The following DPP10 variants were observed in gnomAD, a reference collection of about 807,000 sequenced individuals.
The protein encoded by DPP10 is dipeptidyl peptidase like 10, also known as inactive dipeptidyl peptidase 10.
A neutral mutation model predicts 120.9 loss-of-function variants in DPP10; 33 were observed. That is an observed-to-expected ratio of 0.27 (90% CI 0.21 to 0.37). The LOEUF is 0.37. Among genes scored for constraint, DPP10 ranks in the 10% least tolerant of loss-of-function variants. The probability of loss-of-function intolerance (pLI) is 1.00; values close to 1 mark genes in which losing one functional copy is unlikely to be tolerated. For synonymous variants in DPP10, 337 were observed against 326.1 expected, an observed-to-expected ratio of 1.03 and a Z score of -0.36; for missense variants, 816 against 942.8, an observed-to-expected ratio of 0.87 and a Z score of 1.76.
At chr2:114,892,859 C>A (rs1224685445) in intron 1 of DPP10, among the ~76,000 whole-genome samples, 1 of 152,056 alleles carries the variant, frequency 6.6e-6, no homozygotes, top group African/African-American at 2.4e-5. Context: ...CCTGGACCCC[C>A]CAAAAAATGG....
At chr2:115,441,750 G>A (rs891687257) in intron 3 of DPP10, among the ~76,000 whole-genome samples, 16 of 151,422 alleles carry the variant, frequency 1.1e-4, no homozygotes, top group Admixed American at 5.3e-4. Flanking sequence ...TCTTTCCCAT[G>A]ATGAATTTAA....
chr2:115,276,678 T>G (rs2059933231), intron 1 of DPP10, among the ~76,000 whole-genome samples: 1 of 152,202 alleles, frequency 6.6e-6, no homozygotes. Context: ...TTGTAAGATA[T>G]CCAATGAGAT....
intron 7 of DPP10, among the ~76,000 whole-genome samples, chr2:115,718,555 C>T (rs545767100): frequency 6.6e-6 from 1 of 150,990 alleles, no homozygotes; most frequent in Non-Finnish European, 1.5e-5. Flanking sequence ...TTTTTATTTT[C>T]TATTTTGAGT....
At chr2:115,710,803 ATATT>A (rs1279663818) in intron 7 of DPP10, among the ~76,000 whole-genome samples, 1 of 152,148 alleles carries the variant, frequency 6.6e-6, no homozygotes, top group Non-Finnish European at 1.5e-5. Flanking sequence ...AGTTAATAAA[ATATT>A]TATTAAGTAA....
intron 1 of DPP10, among the ~76,000 whole-genome samples, chr2:114,679,422 A>G (rs1439365802): frequency 6.6e-6 from 1 of 151,972 alleles, no homozygotes; most frequent in African/African-American, 2.4e-5. Context: ...CCTCTTGTTT[A>G]TATTAGAATA....
intron 3 of DPP10, among the ~76,000 whole-genome samples, chr2:115,354,353 C>T (rs1190097886): frequency 6.6e-6 from 1 of 152,084 alleles, no homozygotes; most frequent in Non-Finnish European, 1.5e-5. Context: ...CTTATTTTCA[C>T]CAGTGTCTAA....
At chr2:114,563,655 C>T (rs1478689956) in intron 1 of DPP10, among the ~76,000 whole-genome samples, 4 of 152,166 alleles carry the variant, frequency 2.6e-5, no homozygotes, top group Admixed American at 6.6e-5. Flanking sequence ...GATGAACAAA[C>T]CCAACTCTTA....
chr2:115,021,666 C>A (rs948581233), intron 1 of DPP10, among the ~76,000 whole-genome samples: 1 of 152,098 alleles, frequency 6.6e-6, no homozygotes, highest in East Asian at 1.9e-4. Flanking sequence ...TTTTATGAAG[C>A]CAGTATCACC....
chr2:114,623,131 A>G (rs1348897906), intron 1 of DPP10, among the ~76,000 whole-genome samples: 1 of 152,138 alleles, frequency 6.6e-6, no homozygotes, highest in African/African-American at 2.4e-5. Context: ...ATTCTTTGCA[A>G]TAAAGGAGAA....
chr2:115,469,680 C>A (rs1036533966), intron 3 of DPP10, among the ~76,000 whole-genome samples: 1 of 152,068 alleles, frequency 6.6e-6, no homozygotes, highest in Admixed American at 6.6e-5. Context: ...GGGTGGATCA[C>A]CTGAGAGCGG....
chr2:114,460,731 G>T (rs962585952), intron 1 of DPP10, among the ~76,000 whole-genome samples: 3 of 152,048 alleles, frequency 2.0e-5, no homozygotes, highest in African/African-American at 7.2e-5. Flanking sequence ...CTAATAAAGA[G>T]GCATATTTTT....
intron 5 of DPP10, among the ~76,000 whole-genome samples, chr2:115,679,308 T>C (rs911130535): frequency 6.6e-6 from 1 of 151,986 alleles, no homozygotes; most frequent in Non-Finnish European, 1.5e-5. Context: ...TGATGGGAGG[T>C]AATTGAATCA....
At chr2:115,586,469 G>A (rs2082297047) in intron 5 of DPP10, among the ~76,000 whole-genome samples, 1 of 152,106 alleles carries the variant, frequency 6.6e-6, no homozygotes, top group Admixed American at 6.6e-5. Context: ...CTGAGATGTA[G>A]GATTACTGGG....
intron 1 of DPP10, among the ~76,000 whole-genome samples, chr2:114,720,703 A>C (rs1484499545): frequency 6.6e-6 from 1 of 152,202 alleles, no homozygotes; most frequent in Admixed American, 6.5e-5. Context: ...ACTAGTGCTC[A>C]CCCATATCTG....
At chr2:115,571,343 C>T (rs1478466757) in intron 5 of DPP10, among the ~76,000 whole-genome samples, 2 of 152,084 alleles carry the variant, frequency 1.3e-5, no homozygotes, top group Non-Finnish European at 2.9e-5. Context: ...AGGTACTGAA[C>T]ATAGTACCTA....
intron 1 of DPP10, among the ~76,000 whole-genome samples, chr2:114,668,731 T>C (rs1355857705): frequency 6.6e-6 from 1 of 152,164 alleles, no homozygotes; most frequent in Non-Finnish European, 1.5e-5. Flanking sequence ...TGGCTTTCCT[T>C]ATATGTGTGA....
At chr2:114,523,549 T>C (rs1216965306) in intron 1 of DPP10, among the ~76,000 whole-genome samples, 1 of 152,210 alleles carries the variant, frequency 6.6e-6, no homozygotes, top group East Asian at 1.9e-4. Flanking sequence ...TTATGGCTTA[T>C]AAATGTCAGT....
At chr2:114,939,338 C>T (rs1158789396) in intron 1 of DPP10, among the ~76,000 whole-genome samples, 1 of 151,982 alleles carries the variant, frequency 6.6e-6, no homozygotes, top group South Asian at 2.1e-4. Context: ...GTGCTATTTA[C>T]AAAATAATTT....
At chr2:115,502,085 T>A (rs2076711459) in intron 4 of DPP10, among the ~76,000 whole-genome samples, 1 of 152,060 alleles carries the variant, frequency 6.6e-6, no homozygotes, top group African/African-American at 2.4e-5. Context: ...AAAATATGAC[T>A]ACAAATTTAT....
Sources: allele counts gnomAD v4.1 joint callset (sites outside exome capture counted in the v4.1 genomes callset), GRCh38; gene constraint gnomAD v4.1.1; transcripts MANE v1.5; gene names NCBI Gene and HGNC (gene_info 2026-07-23, HGNC 2026-07-21).